EPS8: variants seen among roughly 807,000 people sequenced by gnomAD.
EPS8 encodes the protein EGFR pathway substrate 8, signaling adaptor.
A neutral mutation model predicts 103.8 loss-of-function variants in EPS8; 42 were observed. That is an observed-to-expected ratio of 0.40 (90% CI 0.32 to 0.52). EPS8 has a LOEUF of 0.52. Among genes scored for constraint, EPS8 ranks in the 20% least tolerant of loss-of-function variants. The probability of loss-of-function intolerance (pLI) is 0.40; values close to 1 mark genes in which losing one functional copy is unlikely to be tolerated. For missense variants in EPS8, 969 were observed against 1,005.1 expected (o/e 0.96, Z 0.49); for synonymous variants, 344 against 344.6 (o/e 1.00, Z 0.02).
Position 15,669,381 on chromosome 12 carries a change from T to C in EPS8, c.516+6A>G, listed in dbSNP as rs73315036. The C allele has an allele frequency of 0.01, 16,388 of 1,592,022 alleles. 1,196 individuals carry two copies. The African/African-American group carries it at 0.17, about 17-fold the overall frequency. On this transcript the variant is annotated splice_donor_region_variant and intron_variant, in intron 6 of 20. Coordinates refer to ENST00000281172, the MANE Select transcript of EPS8 (RefSeq NM_004447.6). ...AGAAGAAACAAAAATTTCACCATTCTTTTACCTTAACCTCATCACACTGGA... is the reference window on the plus strand; with the variant it reads ...AGAAGAAACAAAAATTTCACCATTCCTTTACCTTAACCTCATCACACTGGA...
chr12:15,698,145 A>G lies in EPS8; in HGVS notation c.-21-15173T>C, dbSNP rs1455898857. Among the ~76,000 whole-genome samples, 1 of 152,246 alleles carries G rather than the reference A, an allele frequency of 6.6e-6. No individual in the cohort carries two copies. Among genetic ancestry groups the G allele is most frequent in the Non-Finnish European group, 1.5e-5 (1 of 68,042 alleles). On this transcript the variant is annotated intron_variant, in intron 1 of 20. Coordinates refer to ENST00000281172, the MANE Select transcript of EPS8 (RefSeq NM_004447.6). This position sits in a 1 kb window ranked among gnomAD's most constrained non-coding sequence, Gnocchi z 4.9. ...TTAAAAGGCTTTCTGAAACTGTTTAATAAAGGAAAAATGGAAAAACTCTAC... is the reference window on the plus strand; with the variant it reads ...TTAAAAGGCTTTCTGAAACTGTTTAGTAAAGGAAAAATGGAAAAACTCTAC...
chr12:15,687,037 A>G (rs1946105123), intron 1 of EPS8, among the ~76,000 whole-genome samples: 1 of 152,212 alleles, frequency 6.6e-6, no homozygotes, highest in Non-Finnish European at 1.5e-5. Context: ...ATCATTACTT[A>G]GGATTTTCAC....
chr12:15,665,981 T>C, intron 7 of EPS8, 89 bp from the exon 8 acceptor site: 1 of 1,350,826 alleles, frequency 7.4e-7, no homozygotes, highest in Non-Finnish European at 1.0e-6. Context: ...GTTATTAAAA[T>C]TCAAAAAGAA....
Position 15,767,542 on chromosome 12 carries a change from A to G in EPS8, c.-22+21619T>C, listed in dbSNP as rs868232668. On this transcript the variant is annotated intron_variant, in intron 1 of 20. Coordinates refer to ENST00000281172, the MANE Select transcript of EPS8 (RefSeq NM_004447.6). This position sits in a 1 kb window ranked among gnomAD's most constrained non-coding sequence, Gnocchi z 5.5. ...GACAGTATCAGGTCAGTCTTAGGCC[A>G]TAAAGAAGTACTTTATTATCCTCAT... 6.6e-6 allele frequency among the ~76,000 whole-genome samples: 1 copy of G among 152,234 alleles called. No individual in the cohort carries two copies. The highest frequency in any genetic ancestry group is 1.9e-4 in the East Asian group (1 of 5,202).
In EPS8 at chr12:15,735,710, T is replaced by C. The variant is rs1043300865; in HGVS notation, c.-21-52738A>G. ...CATAGTAATCAGGTTATTTAAATTG[T>C]AGACCTTTTAAAAGTGCATGTTATT... On this transcript the variant is annotated intron_variant, in intron 1 of 20. Coordinates refer to ENST00000281172, the MANE Select transcript of EPS8 (RefSeq NM_004447.6). This position sits in a 1 kb window ranked among gnomAD's most constrained non-coding sequence, Gnocchi z 4.4. Among the ~76,000 whole-genome samples, 1 of 152,234 alleles carries C rather than the reference T, an allele frequency of 6.6e-6. No homozygotes were observed. Among genetic ancestry groups the C allele is most frequent in the Non-Finnish European group, 1.5e-5 (1 of 68,036 alleles).
In EPS8 at chr12:15,751,245, C is replaced by A. The variant is rs180906321; in HGVS notation, c.-22+37916G>T. 6.6e-6 allele frequency among the ~76,000 whole-genome samples: 1 copy of A among 152,170 alleles called. No homozygotes were observed. Among genetic ancestry groups the A allele is most frequent in the East Asian group, 1.9e-4 (1 of 5,174 alleles). On this transcript the variant is annotated intron_variant, in intron 1 of 20. Transcript: ENST00000281172. The surrounding 1 kb of genome is among the most constrained non-coding windows in gnomAD (Gnocchi z 4.3). ...TAGTGGTGTGTGCCTGTAATCCCAGCTACTAGCAAGGCTGAGGCAGGAGAA... is the reference window on the plus strand; with the variant it reads ...TAGTGGTGTGTGCCTGTAATCCCAGATACTAGCAAGGCTGAGGCAGGAGAA...
At position 15,776,707 on chromosome 12, in the gene EPS8, A is replaced by G. The variant is rs1461992549; in HGVS notation, c.-22+12454T>C. 2.6e-5 allele frequency among the ~76,000 whole-genome samples: 4 copies of G among 152,318 alleles called. No homozygotes were observed. The highest frequency in any genetic ancestry group is 1.9e-4 in the East Asian group (1 of 5,180). Reference sequence around the variant, plus strand: ...ACAGCATATAATCAAAGTTCCCTAGATATAGCTTATGAAGAGCACAGTGTT... The same window carrying G: ...ACAGCATATAATCAAAGTTCCCTAGGTATAGCTTATGAAGAGCACAGTGTT... On this transcript the variant is annotated intron_variant, in intron 1 of 20. Coordinates refer to ENST00000281172, the MANE Select transcript of EPS8 (RefSeq NM_004447.6). The surrounding 1 kb of genome is among the most constrained non-coding windows in gnomAD (Gnocchi z 4.2).
At chr12:15,626,822 A>G (rs558011143) in intron 18 of EPS8, among the ~76,000 whole-genome samples, 8 of 151,666 alleles carry the variant, frequency 5.3e-5, no homozygotes, top group Non-Finnish European at 1.0e-4. Flanking sequence ...TTTAAAGGCC[A>G]CTCTAGTCTG....
rs1052741659 is a variant in EPS8 at position 15,760,487 on chromosome 12, A to C, written c.-22+28674T>G. 2.0e-5 allele frequency among the ~76,000 whole-genome samples: 3 copies of C among 151,998 alleles called. 1 individual carries two copies. The highest frequency in any genetic ancestry group is 4.1e-4 in the South Asian group (2 of 4,832). ...AGTATTACCCTGATAACAGAACCAA[A>C]GACATACCAAAAAGGGAAACTATGA... On this transcript the variant is annotated intron_variant, in intron 1 of 20. Transcript: ENST00000281172. This position sits in a 1 kb window ranked among gnomAD's most constrained non-coding sequence, Gnocchi z 4.5.
chr12:15,765,006 T>C (rs1352549845), intron 1 of EPS8, among the ~76,000 whole-genome samples: 4 of 152,218 alleles, frequency 2.6e-5, no homozygotes, highest in African/African-American at 9.6e-5. Flanking sequence ...AGATTAATCC[T>C]TGTTTAATGA....
In EPS8 at chr12:15,690,495, C is replaced by T. The variant is rs1946156791; in HGVS notation, c.-21-7523G>A. Reference sequence around the variant, plus strand: ...CTTATCTCAACTTCCTCTCTTCCTGCCTGCCATAATATTCTAACATTGATT... The same window carrying T: ...CTTATCTCAACTTCCTCTCTTCCTGTCTGCCATAATATTCTAACATTGATT... On this transcript the variant is annotated intron_variant, in intron 1 of 20. Transcript: ENST00000281172. This position sits in a 1 kb window ranked among gnomAD's most constrained non-coding sequence, Gnocchi z 4.7. Among the ~76,000 whole-genome samples, 1 of 152,080 alleles carries T rather than the reference C, an allele frequency of 6.6e-6. No individual in the cohort carries two copies. The highest frequency in any genetic ancestry group is 6.6e-5 in the Admixed American group (1 of 15,264).
At chr12:15,643,160 A>AC (rs1465228437) in intron 15 of EPS8, among the ~76,000 whole-genome samples, 1 of 152,052 alleles carries the variant, frequency 6.6e-6, no homozygotes, top group East Asian at 1.9e-4. Flanking sequence ...AGATTCAACT[A>AC]CCCCAAACAT....
chr12:15,715,643 G>T (rs540208309), intron 1 of EPS8, among the ~76,000 whole-genome samples: 24 of 151,052 alleles, frequency 1.6e-4, no homozygotes, highest in African/African-American at 5.8e-4. Flanking sequence ...GCCTCCCAAA[G>T]TGCCCAGCTA....
At chr12:15,640,933 T>G (rs945549433) in intron 16 of EPS8, 87 bp from the exon 17 acceptor site, 2 of 1,176,454 alleles carry the variant, frequency 1.7e-6, no homozygotes, top group African/African-American at 3.1e-5. Flanking sequence ...AAAGAAAATT[T>G]TTCTACTTCT....
intron 1 of EPS8, among the ~76,000 whole-genome samples, chr12:15,722,401 G>T (rs997006575): frequency 1.3e-5 from 2 of 151,898 alleles, no homozygotes; most frequent in African/African-American, 4.8e-5. Flanking sequence ...ATAAAAATCT[G>T]CAACTGAAAA....
Position 15,666,430 on chromosome 12 carries a change from AT to A in EPS8, c.599+9del. 6.2e-7 allele frequency: 1 copy of A among 1,605,794 alleles called. No individual in the cohort carries two copies. Reference sequence around the variant, plus strand: ...CAATTCCACTCCTTGATTTCTTTCAATGCTTTTACCTCAGGGCGTCGGGCCG... The same window carrying A: ...CAATTCCACTCCTTGATTTCTTTCAAGCTTTTACCTCAGGGCGTCGGGCCG... On this transcript the variant is annotated intron_variant, in intron 7 of 20. Coordinates refer to ENST00000281172, the MANE Select transcript of EPS8 (RefSeq NM_004447.6).
Position 15,762,413 on chromosome 12 carries a change from A to G in EPS8, c.-22+26748T>C, listed in dbSNP as rs139099019. ...AAACTAAAAGGAGAGCTACATTATG[A>G]TCCAGCAATCGCGCTGCTAGGTATA... On this transcript the variant is annotated intron_variant, in intron 1 of 20. Transcript: ENST00000281172. This position sits in a 1 kb window ranked among gnomAD's most constrained non-coding sequence, Gnocchi z 4.8. Among the ~76,000 whole-genome samples the G allele has an allele frequency of 1.3e-4, 20 of 152,326 alleles. No homozygotes were observed. The East Asian group carries it at 2.9e-3, about 22-fold the overall frequency.
chr12:15,667,197 C>T (rs562342824), intron 6 of EPS8, among the ~76,000 whole-genome samples: 7 of 152,256 alleles, frequency 4.6e-5, no homozygotes, highest in African/African-American at 1.7e-4. Flanking sequence ...TGATGAGATG[C>T]ACCATCTATG....
intron 1 of EPS8, among the ~76,000 whole-genome samples, chr12:15,723,392 T>A (rs755478074): frequency 2.6e-5 from 4 of 152,212 alleles, no homozygotes; most frequent in Non-Finnish European, 4.4e-5. Flanking sequence ...GTATCCTTTC[T>A]TTAAAACCAT....
Sources: allele counts gnomAD v4.1 joint callset (sites outside exome capture counted in the v4.1 genomes callset), GRCh38; gene constraint gnomAD v4.1.1; non-coding constraint Gnocchi (gnomAD v3.1); transcripts MANE v1.5; gene names NCBI Gene and HGNC (gene_info 2026-07-23, HGNC 2026-07-21).